ZNF33A: variants seen among roughly 807,000 people sequenced by gnomAD.
The protein encoded by ZNF33A is zinc finger protein 33A.
In ZNF33A, 9 loss-of-function variants were observed where a neutral mutation model predicts 15.9. The ratio of observed to expected loss-of-function variants is 0.57; its 90% CI spans 0.34 to 0.99. ZNF33A has a LOEUF of 0.99. ZNF33A is among the 50% of genes least tolerant of loss of function. ZNF33A has a pLI of 0.02. For synonymous variants in ZNF33A, 294 were observed against 324.2 expected (o/e 0.91, Z 1.00); for missense variants, 843 against 941.6 (o/e 0.90, Z 1.37).
chr10:38,034,796 A>C (rs975804941), intron 4 of ZNF33A, among the ~76,000 whole-genome samples: 1 of 152,174 alleles, frequency 6.6e-6, no homozygotes, highest in Admixed American at 6.5e-5. Context: ...TTCTTCAGGT[A>C]ATCCTGGTTC....
chr10:38,034,840 A>G (rs1049318071), intron 4 of ZNF33A, among the ~76,000 whole-genome samples: 1 of 152,194 alleles, frequency 6.6e-6, no homozygotes, highest in Non-Finnish European at 1.5e-5. Flanking sequence ...AAACCAAGAT[A>G]GGGGCTAATG....
At chr10:38,037,576 A>C (rs1432164925) in intron 4 of ZNF33A, among the ~76,000 whole-genome samples, 1 of 152,086 alleles carries the variant, frequency 6.6e-6, no homozygotes, top group Non-Finnish European at 1.5e-5. Context: ...TGCCTGCCTC[A>C]GCCTCCCAAA....
intron 4 of ZNF33A, among the ~76,000 whole-genome samples, chr10:38,031,381 G>A (rs1315673458): frequency 6.6e-6 from 1 of 151,934 alleles, no homozygotes; most frequent in Non-Finnish European, 1.5e-5. Flanking sequence ...ACCAACCTGG[G>A]CAACATGGTG....
In ZNF33A at chr10:38,047,624, C is replaced by CAAAAAAAAAAAAAAAAA. The variant is rs554054575; in HGVS notation, c.251-6727_251-6711dup. 6.7e-5 allele frequency among the ~76,000 whole-genome samples: 5 copies of CAAAAAAAAAAAAAAAAA among 75,006 alleles called. 1 individual carries two copies. The highest frequency in any genetic ancestry group is 9.5e-4 in the East Asian group (2 of 2,110). 49.2% of individuals were successfully genotyped at this position (75,006 alleles called of 152,430 possible). A position where few individuals can be genotyped will look rare whatever the true frequency, so the allele number is the denominator to read the frequency against. On this transcript the variant is annotated intron_variant, in intron 4 of 4. Coordinates refer to ENST00000432900, the MANE Select transcript of ZNF33A (RefSeq NM_006954.2). ...CTGGCGATAGAGCAAGACTCTGTCT[C>CAAAAAAAAAAAAAAAAA]AAAAAAAAAAAAAAAAAAAAAAAAA...
intron 4 of ZNF33A, among the ~76,000 whole-genome samples, chr10:38,021,736 C>T (rs2064756551): frequency 6.6e-6 from 1 of 152,062 alleles, no homozygotes; most frequent in South Asian, 2.1e-4. Flanking sequence ...ATATTCTGGG[C>T]CATAAATAAG....
chr10:38,055,508 A>G lies in ZNF33A; in HGVS notation c.1384A>G (p.Thr462Ala). The change falls in exon 5 of 5, where the codon ACT becomes GCT. Residue 462 changes from threonine (T) to alanine (A), a missense_variant. Transcript: ENST00000432900. ...TTCGCACCTTAAAGTACACCAGAGA[A>G]CTCACACAGGTGAGAAACCTTTTGA... is the stretch of plus-strand genomic sequence containing the variant. Reference protein sequence around the residue: ...VTSHLKVHQRTHTGEKPFECL... With the variant: ...VTSHLKVHQRAHTGEKPFECL... The G allele has an allele frequency of 6.2e-7, 1 of 1,613,884 alleles. No homozygotes were observed. The highest frequency in any genetic ancestry group is 8.5e-7 in the Non-Finnish European group (1 of 1,179,956).
At chr10:38,015,350 G>T in intron 2 of ZNF33A, among the ~76,000 whole-genome samples, 1 of 151,980 alleles carries the variant, frequency 6.6e-6, no homozygotes, top group East Asian at 1.9e-4. Flanking sequence ...TGTTACCCAG[G>T]CTGGAGTGTA....
chr10:38,037,619 C>T (rs1200554164), intron 4 of ZNF33A, among the ~76,000 whole-genome samples: 1 of 152,138 alleles, frequency 6.6e-6, no homozygotes, highest in Non-Finnish European at 1.5e-5. Context: ...CTACTGTGCC[C>T]AGCCGAAAAG....
chr10:38,054,573 A>G lies in ZNF33A; in HGVS notation c.449A>G (p.Asn150Ser), dbSNP rs202034196. ...TGTGATTCATGTGGAATGAGTTTCA[A>G]CACTGTTTCAGAATTGGTTATCAGT... is the stretch of plus-strand genomic sequence containing the variant. The part of the protein sequence containing the change: ...CQCDSCGMSF[N>S]TVSELVISKI... Residue 150 changes from asparagine to serine, a missense_variant, in exon 5 of 5, where the codon AAC becomes AGC. Transcript: ENST00000432900. 168 of 1,611,588 alleles carry G rather than the reference A, an allele frequency of 1.0e-4. No homozygotes were observed. Among genetic ancestry groups the G allele is most frequent in the Middle Eastern group, 1.7e-4 (1 of 6,058 alleles).
intron 4 of ZNF33A, among the ~76,000 whole-genome samples, chr10:38,018,977 A>G (rs1370791030): frequency 4.0e-5 from 6 of 151,148 alleles, no homozygotes; most frequent in Non-Finnish European, 8.8e-5. Context: ...TGATAATTTT[A>G]TTTTATTTTA....
At chr10:38,010,547 C>T (rs1236599497), upstream of ZNF33A, 3 of 744,236 alleles carry the variant, frequency 4.0e-6, no homozygotes, top group African/African-American at 5.1e-5. Context: ...CCTAGCGGGG[C>T]ACTTCTCTAC....
chr10:38,015,818 T>C (rs1325530457), intron 2 of ZNF33A: 1 of 402,208 alleles, frequency 2.5e-6, no homozygotes, highest in Non-Finnish European at 4.3e-6. Context: ...ATCCGTGCCC[T>C]ATTTGCATCC....
rs1432470136 is a variant in ZNF33A at position 38,053,435 on chromosome 10, C to T, written c.251-940C>T. The stretch of plus-strand genomic sequence containing the variant: ...GTATCCTCTTCTTCTTATAAGGACA[C>T]CAATGCCATTGTATTTGTGTCTTAC... On this transcript the variant is annotated intron_variant, in intron 4 of 4. Coordinates refer to ENST00000432900, the MANE Select transcript of ZNF33A (RefSeq NM_006954.2). Among the ~76,000 whole-genome samples, 4 of 152,114 alleles carry T rather than the reference C, an allele frequency of 2.6e-5. No homozygotes were observed. In the South Asian group the frequency reaches 6.2e-4, roughly 24 times the overall value.
chr10:38,056,004 A>G lies in ZNF33A; in HGVS notation c.1880A>G (p.His627Arg). The change falls in exon 5 of 5, where the codon CAT becomes CGT. Residue 627 changes from histidine to arginine, a missense_variant. Coordinates refer to ENST00000432900, the MANE Select transcript of ZNF33A (RefSeq NM_006954.2). ...TACCAGAAGTCACAACTCACTCAGC[A>G]TCAGAGAATTCACATAGGGGAGAAA... ...AFYQKSQLTQHQRIHIGEKPY... is the reference protein window; with the variant it reads ...AFYQKSQLTQRQRIHIGEKPY... 2 of 1,614,062 alleles carry G rather than the reference A, an allele frequency of 1.2e-6. No homozygotes were observed. Among genetic ancestry groups the G allele is most frequent in the Non-Finnish European group, 1.7e-6 (2 of 1,179,972 alleles).
intron 4 of ZNF33A, among the ~76,000 whole-genome samples, chr10:38,031,437 G>T (rs2065203583): frequency 6.6e-6 from 1 of 151,932 alleles, no homozygotes; most frequent in Admixed American, 6.6e-5. Context: ...AGGTGTGGTG[G>T]TGCGTGCCTG....
At position 38,056,231 on chromosome 10, in the gene ZNF33A, A is replaced by G. The variant is rs768079785; in HGVS notation, c.2107A>G (p.Arg703Gly). The G allele has an allele frequency of 6.2e-7, 1 of 1,614,138 alleles. No individual in the cohort carries two copies. The change falls in exon 5 of 5, where the codon AGG becomes GGG. Residue 703 changes from arginine to glycine, a missense_variant. Arg to Gly is a moderately radical substitution (Grantham distance 125, BLOSUM62 -2). Transcript: ENST00000432900. The part of the protein sequence containing the change: ...YECNECGKFF[R>G]HKSSLTVHHR... ...ATGCAATGAATGTGGGAAATTCTTC[A>G]GGCACAAATCATCACTCACAGTACA...
chr10:38,037,331 T>C (rs2065495908), intron 4 of ZNF33A, among the ~76,000 whole-genome samples: 3 of 43,706 alleles, frequency 6.9e-5, no homozygotes, highest in South Asian at 1.9e-3. Context: ...ATTTTTCTTT[T>C]TTCTTTTTTT....
At chr10:38,034,985 A>G (rs1186320303) in intron 4 of ZNF33A, among the ~76,000 whole-genome samples, 1 of 151,998 alleles carries the variant, frequency 6.6e-6, no homozygotes, top group African/African-American at 2.4e-5. Flanking sequence ...ACATGTGTTT[A>G]TACTTATATT....
rs1431661219 is a variant in ZNF33A at position 38,022,900 on chromosome 10, A to C, written c.250+5514A>C. Among the ~76,000 whole-genome samples the C allele has an allele frequency of 4.6e-5, 7 of 152,318 alleles. No individual in the cohort carries two copies. The South Asian group carries it at 1.0e-3, about 23-fold the overall frequency. On this transcript the variant is annotated intron_variant, in intron 4 of 4. Transcript: ENST00000432900. ...TCTACCAAACATTTACACAAGAATT[A>C]ATGATGATTTTACACAATGTCCTCA... is the stretch of plus-strand genomic sequence containing the variant.
Sources: gnomAD v4.1 joint callset for allele counts (sites outside exome capture counted in the v4.1 genomes callset) on GRCh38, gnomAD v4.1.1 for gene constraint, MANE v1.5 for transcripts, NCBI Gene and HGNC (gene_info 2026-07-23, HGNC 2026-07-21) for gene names.